The following FAM135B variants were observed in gnomAD, a reference collection of about 807,000 sequenced individuals.
FAM135B encodes the protein family with sequence similarity 135 member B, also known as protein FAM135B.
A neutral mutation model predicts 127.7 loss-of-function variants in FAM135B; 43 were observed. The ratio of observed to expected loss-of-function variants is 0.34; its 90% CI spans 0.26 to 0.43. The LOEUF (loss-of-function observed/expected upper bound fraction) is 0.43, where lower values mean the gene tolerates loss of function less well. Among genes scored for constraint, FAM135B ranks in the 20% least tolerant of loss-of-function variants. The probability of loss-of-function intolerance (pLI) is 1.00; values close to 1 mark genes in which losing one functional copy is unlikely to be tolerated. For missense variants in FAM135B, 1,558 were observed against 1,725.6 expected (o/e 0.90, Z 1.72); for synonymous variants, 670 against 665.1 (o/e 1.01, Z -0.11).
intron 2 of FAM135B, among the ~76,000 whole-genome samples, chr8:138,348,919 T>C (rs778216849): frequency 2.6e-5 from 4 of 152,222 alleles, no homozygotes; most frequent in Non-Finnish European, 5.9e-5. Context: ...ACTTTAAACA[T>C]GGATGGGGAA....
intron 1 of FAM135B, among the ~76,000 whole-genome samples, chr8:138,378,588 C>A (rs1298138569): frequency 2.6e-5 from 4 of 152,218 alleles, no homozygotes; most frequent in African/African-American, 9.6e-5. Flanking sequence ...GGCCTCCCTG[C>A]TGATTAGGAG....
chr8:138,347,374 C>T (rs1366148079), intron 2 of FAM135B, among the ~76,000 whole-genome samples: 1 of 152,156 alleles, frequency 6.6e-6, no homozygotes, highest in Non-Finnish European at 1.5e-5. Flanking sequence ...AGTGAGAGAA[C>T]AAAAGAGATG....
chr8:138,151,469 C>T lies in FAM135B; in HGVS notation c.3006G>A (p.Glu1002=), dbSNP rs369042238. Residue 1002 remains glutamate, a synonymous_variant, in exon 13 of 20, where the codon GAG becomes GAA. Transcript: ENST00000395297. ...CCATGATGGAAGTGCCTGCCTTCAG[C>T]TCTTGGTTTTTCAAAACCTGGGAAT... ...SVHSQVLKNQ[E]LKAGTSIMGS... is the part of the protein sequence containing the mutation. 1.9e-6 allele frequency: 3 copies of T among 1,614,138 alleles called. No homozygotes were observed. The African/African-American group carries it at 4.0e-5, about 22-fold the overall frequency.
intron 2 of FAM135B, among the ~76,000 whole-genome samples, chr8:138,320,042 C>T (rs532413385): frequency 6.6e-5 from 10 of 152,314 alleles, no homozygotes; most frequent in South Asian, 6.2e-4. Flanking sequence ...ACAGACTCTT[C>T]TACTGCATGG....
chr8:138,473,074 TCTCAA>T (rs1837776378), intron 1 of FAM135B, among the ~76,000 whole-genome samples: 1 of 152,156 alleles, frequency 6.6e-6, no homozygotes, highest in Non-Finnish European at 1.5e-5. Flanking sequence ...AATTATTTCT[TCTCAA>T]CTCAAACCAT....
intron 2 of FAM135B, among the ~76,000 whole-genome samples, chr8:138,335,728 A>C (rs1282209409): frequency 3.3e-5 from 5 of 152,200 alleles, no homozygotes; most frequent in African/African-American, 1.2e-4. Context: ...ATATCCAGGA[A>C]TTGAGCTCAG....
intron 7 of FAM135B, among the ~76,000 whole-genome samples, chr8:138,214,121 C>T (rs527760773): frequency 7.2e-5 from 11 of 152,230 alleles, no homozygotes; most frequent in East Asian, 1.9e-4. Context: ...AAATCCATTG[C>T]GCAGACAGCC....
rs984268052 is a variant in FAM135B, at chr8:138,143,188, C to G, written c.3541-79G>C. The stretch of plus-strand genomic sequence containing the variant: ...TTTGTGCACAGCCTGTGTTCTTCCA[C>G]TAAACACTGTGGCGCCTACTGGGGA... On this transcript the variant is annotated intron_variant, in intron 15 of 19. Coordinates refer to ENST00000395297, the MANE Select transcript of FAM135B (RefSeq NM_015912.4). 1.5e-5 allele frequency: 12 copies of G among 783,148 alleles called. No individual in the cohort carries two copies. In the Admixed American group the frequency reaches 2.2e-4, roughly 14 times the overall value. 48.5% of individuals were successfully genotyped at this position (783,148 alleles called of 1,614,324 possible).
chr8:138,432,871 T>C (rs1835272998), intron 1 of FAM135B, among the ~76,000 whole-genome samples: 1 of 151,712 alleles, frequency 6.6e-6, no homozygotes, highest in African/African-American at 2.4e-5. Context: ...TGTTGGGGGG[T>C]GACGGGGCCC....
intron 2 of FAM135B, among the ~76,000 whole-genome samples, chr8:138,356,865 C>G (rs1830123813): frequency 6.6e-6 from 1 of 152,128 alleles, no homozygotes; most frequent in Admixed American, 6.5e-5. Flanking sequence ...GATCCATTAC[C>G]TAATACCATG....
At chr8:138,403,785 C>T (rs1332306958) in intron 1 of FAM135B, among the ~76,000 whole-genome samples, 1 of 152,186 alleles carries the variant, frequency 6.6e-6, no homozygotes, top group East Asian at 1.9e-4. Context: ...TCCAGTGTTT[C>T]ATGCAGCAAA....
At chr8:138,496,404 G>T (rs1218506885) in intron 1 of FAM135B, among the ~76,000 whole-genome samples, 1 of 152,150 alleles carries the variant, frequency 6.6e-6, no homozygotes, top group Non-Finnish European at 1.5e-5. Flanking sequence ...CTCCATCTGG[G>T]ACTCCTGGGG....
intron 1 of FAM135B, among the ~76,000 whole-genome samples, chr8:138,480,633 G>A (rs764181678): frequency 2.6e-5 from 4 of 152,136 alleles, no homozygotes; most frequent in Admixed American, 6.5e-5. Context: ...CAAATTCAAA[G>A]GAAAGAGAAA....
At chr8:138,183,524 A>G (rs1367988181) in intron 9 of FAM135B, among the ~76,000 whole-genome samples, 1 of 152,240 alleles carries the variant, frequency 6.6e-6, no homozygotes, top group African/African-American at 2.4e-5. Flanking sequence ...TGCAGACGAC[A>G]GGAGGAATCT....
chr8:138,172,757 T>G (rs749234228), intron 11 of FAM135B, among the ~76,000 whole-genome samples: 3 of 152,146 alleles, frequency 2.0e-5, no homozygotes, highest in Non-Finnish European at 2.9e-5. Context: ...AATAAATACA[T>G]TAGCAACTAA....
rs2130734830 is a variant in FAM135B, at chr8:138,151,581, T to G, written c.2894A>C (p.Asp965Ala). ...ATTCACTCCTCTATTAAATGCTGTGTCATCCATAATGCAAGGTGAACCGCT... is the reference window on the plus strand; with the variant it reads ...ATTCACTCCTCTATTAAATGCTGTGGCATCCATAATGCAAGGTGAACCGCT... ...SQSGSPCIMD[D>A]TAFNRGVNAF... Residue 965 changes from aspartate to alanine, a missense_variant, in exon 13 of 20, where the codon GAC (aspartate) becomes GCC (alanine). This residue lies in a region of FAM135B where 923 missense variants were observed against 865.3 expected (regional missense o/e 1.07). Transcript: ENST00000395297. 6.2e-7 allele frequency: 1 copy of G among 1,614,216 alleles called. No homozygotes were observed. Among genetic ancestry groups the G allele is most frequent in the Non-Finnish European group, 8.5e-7 (1 of 1,180,016 alleles).
intron 1 of FAM135B, among the ~76,000 whole-genome samples, chr8:138,442,579 C>A (rs1329493689): frequency 6.6e-6 from 1 of 151,428 alleles, no homozygotes; most frequent in Non-Finnish European, 1.5e-5. Flanking sequence ...AAACACAAAG[C>A]AAAATAAAAC....
At chr8:138,151,040 TATATG>T (rs1178665816) in intron 13 of FAM135B, among the ~76,000 whole-genome samples, 149 bp downstream of exon 13, 2 of 152,072 alleles carry the variant, frequency 1.3e-5, no homozygotes, top group South Asian at 4.1e-4. Context: ...GAATTAAATA[TATATG>T]ATATATTATC....
At chr8:138,315,795 T>A (rs1317459831) in intron 2 of FAM135B, among the ~76,000 whole-genome samples, 1 of 151,970 alleles carries the variant, frequency 6.6e-6, no homozygotes, top group Non-Finnish European at 1.5e-5. Flanking sequence ...ATGTAGAACA[T>A]TTTTAAAAAA....
Sources: gnomAD v4.1 joint callset for allele counts (sites outside exome capture counted in the v4.1 genomes callset) on GRCh38, gnomAD v4.1.1 for gene constraint, gnomAD v4.1.1 regional missense constraint, MANE v1.5 for transcripts, NCBI Gene and HGNC (gene_info 2026-07-23, HGNC 2026-07-21) for gene names.